The following GRIA1 variants were observed in gnomAD, a reference collection of about 807,000 sequenced individuals.
GRIA1 encodes glutamate receptor 1.
GRIA1 carries 31 observed loss-of-function variants against 99.2 expected under a neutral mutation model. The observed-to-expected ratio is 0.31, with a 90% CI of 0.23 to 0.42. GRIA1 has a LOEUF of 0.42. GRIA1 is among the 10% of genes least tolerant of loss of function. The probability of loss-of-function intolerance (pLI) is 1.00; values close to 1 mark genes in which losing one functional copy is unlikely to be tolerated. For missense variants in GRIA1, 782 were observed against 1,157.5 expected (o/e 0.68, Z 4.71); for synonymous variants, 438 against 432.4 (o/e 1.01, Z -0.16).
rs3749655 is a variant in GRIA1, at chr5:153,490,980, G to C, written c.82+10G>C. 9.9e-6 allele frequency: 16 copies of C among 1,612,288 alleles called. No homozygotes were observed. The highest frequency in any genetic ancestry group is 1.3e-5 in the African/African-American group (1 of 74,884). The stretch of plus-strand genomic sequence containing the variant: ...AACAATATCCAGATCGGTGAGTGAG[G>C]GGGCAGCCTGGGGAGGGACTTTCTG... On this transcript the variant is annotated intron_variant, in intron 1 of 15. Transcript: ENST00000285900.
At chr5:153,541,036 C>T (rs1303381914) in intron 2 of GRIA1, among the ~76,000 whole-genome samples, 1 of 152,218 alleles carries the variant, frequency 6.6e-6, no homozygotes, top group East Asian at 1.9e-4. Context: ...AGGCTCTTCT[C>T]TTCAGCCTAA....
chr5:153,686,723 G>A (rs1757364329), intron 8 of GRIA1, among the ~76,000 whole-genome samples: 2 of 152,126 alleles, frequency 1.3e-5, no homozygotes, highest in African/African-American at 2.4e-5. Flanking sequence ...CTTCCTAATC[G>A]ATAGTTGGTC....
chr5:153,711,537 T>C (rs1759315750), intron 11 of GRIA1, among the ~76,000 whole-genome samples: 1 of 152,048 alleles, frequency 6.6e-6, no homozygotes, highest in South Asian at 2.1e-4. Flanking sequence ...GCAGGATCAA[T>C]AGGATGCTCT....
At chr5:153,645,725 C>A (rs1754098970) in intron 2 of GRIA1, among the ~76,000 whole-genome samples, 1 of 152,080 alleles carries the variant, frequency 6.6e-6, no homozygotes, top group Non-Finnish European at 1.5e-5. Flanking sequence ...ATCCCATACA[C>A]AGTGGCAATG....
chr5:153,745,607 AAAAAAGAAAAG>A (rs1762102058), intron 11 of GRIA1, among the ~76,000 whole-genome samples: 7 of 129,172 alleles, frequency 5.4e-5, no homozygotes, highest in Non-Finnish European at 1.0e-4. Flanking sequence ...AAAAAAAAAA[AAAAAAGAAAAG>A]AAAAAGAAAT....
At chr5:153,729,246 A>AGGGG (rs1212409285) in intron 11 of GRIA1, among the ~76,000 whole-genome samples, 2 of 100,944 alleles carry the variant, frequency 2.0e-5, no homozygotes, top group Non-Finnish European at 3.9e-5. Flanking sequence ...GGGTAGGGAG[A>AGGGG]GGGGGGAGCG....
At chr5:153,728,648 G>T (rs1760760670) in intron 11 of GRIA1, among the ~76,000 whole-genome samples, 1 of 97,710 alleles carries the variant, frequency 1.0e-5, no homozygotes, top group Non-Finnish European at 2.0e-5. Context: ...CACCATCACT[G>T]GCCATCAGAG....
intron 2 of GRIA1, among the ~76,000 whole-genome samples, chr5:153,555,235 G>A (rs1304688939): frequency 6.6e-6 from 1 of 151,340 alleles, no homozygotes; most frequent in Non-Finnish European, 1.5e-5. Flanking sequence ...TGATCTCTTT[G>A]GATGTTCATA....
intron 2 of GRIA1, among the ~76,000 whole-genome samples, chr5:153,627,810 G>C (rs1189214590): frequency 6.6e-6 from 1 of 152,202 alleles, no homozygotes; most frequent in African/African-American, 2.4e-5. Context: ...AAGTACGCCA[G>C]AAAAGTTGTA....
chr5:153,612,758 C>G (rs1235908832), intron 2 of GRIA1, among the ~76,000 whole-genome samples: 1 of 152,066 alleles, frequency 6.6e-6, no homozygotes. Context: ...AGTATTTTAC[C>G]CAGCATTTGC....
chr5:153,492,513 T>A (rs369754395), intron 1 of GRIA1, among the ~76,000 whole-genome samples: 1 of 152,126 alleles, frequency 6.6e-6, no homozygotes. Flanking sequence ...AATCAAGAAT[T>A]TTTTTTGTTT....
At chr5:153,804,897 G>C (rs539031710) in intron 15 of GRIA1, among the ~76,000 whole-genome samples, 1 of 152,114 alleles carries the variant, frequency 6.6e-6, no homozygotes, top group Admixed American at 6.5e-5. Flanking sequence ...GATTAGAGGC[G>C]TGTGCCACCA....
At chr5:153,505,654 G>A (rs1257272079) in intron 2 of GRIA1, among the ~76,000 whole-genome samples, 1 of 152,210 alleles carries the variant, frequency 6.6e-6, no homozygotes, top group African/African-American at 2.4e-5. Context: ...TGCAGCAATA[G>A]CTGGCCAATA....
intron 2 of GRIA1, among the ~76,000 whole-genome samples, chr5:153,543,713 AG>A (rs1759348751): frequency 6.6e-6 from 1 of 152,236 alleles, no homozygotes; most frequent in African/African-American, 2.4e-5. Flanking sequence ...AAAAAGTCAA[AG>A]CTCTTTGAAA....
At chr5:153,756,845 A>G in intron 11 of GRIA1, among the ~76,000 whole-genome samples, 1 of 152,226 alleles carries the variant, frequency 6.6e-6, no homozygotes, top group Non-Finnish European at 1.5e-5. Context: ...AAGGATGAGC[A>G]CAAACAAAGC....
At chr5:153,526,105 G>C (rs1757569172) in intron 2 of GRIA1, among the ~76,000 whole-genome samples, 1 of 152,080 alleles carries the variant, frequency 6.6e-6, no homozygotes, top group Non-Finnish European at 1.5e-5. Flanking sequence ...CTTGCTCATG[G>C]GCCTCTGTTT....
In GRIA1 at chr5:153,647,050, G is replaced by C; in HGVS notation, c.343G>C (p.Val115Leu). The C allele has an allele frequency of 6.2e-7, 1 of 1,613,894 alleles. No homozygotes were observed. Among genetic ancestry groups the C allele is most frequent in the African/African-American group, 1.3e-5 (1 of 74,992 alleles). Reference sequence around the variant, plus strand: ...CTGCTTCATTACGCCGAGCTTTCCCGTTGATACATCCAATCAGTTTGTCCT... The same window carrying C: ...CTGCTTCATTACGCCGAGCTTTCCCCTTGATACATCCAATCAGTTTGTCCT... The part of the protein sequence containing the change: ...HVCFITPSFP[V>L]DTSNQFVLQL... The change falls in exon 3 of 16, where the codon GTT becomes CTT. Residue 115 changes from valine to leucine, a missense_variant. Val to Leu is a conservative substitution (Grantham distance 32). Coordinates refer to ENST00000285900, the MANE Select transcript of GRIA1 (RefSeq NM_000827.4).
intron 2 of GRIA1, among the ~76,000 whole-genome samples, chr5:153,634,746 C>T (rs1753229821): frequency 6.6e-6 from 1 of 152,204 alleles, no homozygotes; most frequent in Non-Finnish European, 1.5e-5. Context: ...TTTGCTGAGA[C>T]CATAGATTAC....
Position 153,811,811 on chromosome 5 carries a change from C to G in GRIA1, c.*586C>G, listed in dbSNP as rs938476025. The G allele has an allele frequency of 5.9e-5, 9 of 153,612 alleles. No homozygotes were observed. The highest frequency in any genetic ancestry group is 2.2e-4 in the African/African-American group (9 of 41,434). The allele number at this position is 153,612 out of a possible 1,614,324, so 9.5% of individuals were successfully genotyped here. A position where few individuals can be genotyped will look rare whatever the true frequency, so the allele number is the denominator to read the frequency against. On this transcript the variant is annotated 3_prime_UTR_variant, in exon 16 of 16. Coordinates refer to ENST00000285900, the MANE Select transcript of GRIA1 (RefSeq NM_000827.4). ...TTACCCTCCACTCCTTGGCCCAAACCTCTGATGGAGATAGACATTGTTGGA... is the reference window on the plus strand; with the variant it reads ...TTACCCTCCACTCCTTGGCCCAAACGTCTGATGGAGATAGACATTGTTGGA...
Sources: gnomAD v4.1 joint callset for allele counts (sites outside exome capture counted in the v4.1 genomes callset) on GRCh38, gnomAD v4.1.1 for gene constraint, MANE v1.5 for transcripts, NCBI Gene and HGNC (gene_info 2026-07-23, HGNC 2026-07-21) for gene names.